TAOK3: variants seen among roughly 807,000 people sequenced by gnomAD.
TAOK3 encodes serine/threonine-protein kinase TAO3.
A neutral mutation model predicts 120.4 loss-of-function variants in TAOK3; 40 were observed. That is an observed-to-expected ratio of 0.33 (90% CI 0.26 to 0.43). TAOK3 has a LOEUF of 0.43. TAOK3 is among the 20% of genes least tolerant of loss of function. The pLI is 1.00. For missense variants in TAOK3, 821 were observed against 1,112.1 expected (o/e 0.74, Z 3.72); for synonymous variants, 355 against 387.5 (o/e 0.92, Z 0.99).
chr12:118,347,306 C>T (rs541110360), intron 1 of TAOK3, among the ~76,000 whole-genome samples: 12 of 152,192 alleles, frequency 7.9e-5, no homozygotes, highest in Non-Finnish European at 1.8e-4. Flanking sequence ...AGCCACAAGG[C>T]CCAGTCCAAA....
At chr12:118,193,687 G>A (rs144694799) in intron 13 of TAOK3, among the ~76,000 whole-genome samples, 25 of 152,256 alleles carry the variant, frequency 1.6e-4, no homozygotes, top group Middle Eastern at 3.4e-3. Flanking sequence ...GGGCTCAAGC[G>A]ATCCACCCAC....
intron 13 of TAOK3, among the ~76,000 whole-genome samples, chr12:118,194,207 C>T (rs1161092352): frequency 6.6e-6 from 1 of 152,166 alleles, no homozygotes; most frequent in East Asian, 1.9e-4. Flanking sequence ...TTTGTATAGA[C>T]TCCCACACTT....
At chr12:118,187,187 C>T (rs1472049953) in intron 14 of TAOK3, among the ~76,000 whole-genome samples, 4 of 152,034 alleles carry the variant, frequency 2.6e-5, no homozygotes, top group East Asian at 1.9e-4. Context: ...GACTTGTTAG[C>T]GCCTCTACTA....
At chr12:118,248,297 C>G (rs1417924895) in intron 3 of TAOK3, among the ~76,000 whole-genome samples, 1 of 151,264 alleles carries the variant, frequency 6.6e-6, no homozygotes, top group East Asian at 1.9e-4. Flanking sequence ...GAGTTATCCA[C>G]TAGACATAAT....
chr12:118,275,115 C>CT (rs1018362585), intron 1 of TAOK3, among the ~76,000 whole-genome samples: 1 of 151,866 alleles, frequency 6.6e-6, no homozygotes, highest in Non-Finnish European at 1.5e-5. Context: ...TGCACTATAA[C>CT]TTTTTTTTCA....
At chr12:118,207,280 C>T (rs931635988) in intron 11 of TAOK3, among the ~76,000 whole-genome samples, 6 of 149,330 alleles carry the variant, frequency 4.0e-5, no homozygotes, top group East Asian at 4.0e-4. Flanking sequence ...GAGCCGAGAT[C>T]GTGCCATTGC....
chr12:118,296,833 C>T (rs1461079929), intron 1 of TAOK3: 1 of 152,152 alleles, frequency 6.6e-6, no homozygotes, highest in African/African-American at 2.4e-5. Context: ...GGAACTGGGT[C>T]ATTGTATAGG....
intron 19 of TAOK3, among the ~76,000 whole-genome samples, chr12:118,156,579 G>C (rs2034840121): frequency 6.6e-6 from 1 of 152,078 alleles, no homozygotes; most frequent in Non-Finnish European, 1.5e-5. Context: ...GTCCAGACGA[G>C]CTCCTGTAGT....
At chr12:118,320,420 C>T (rs2043654488) in intron 1 of TAOK3, among the ~76,000 whole-genome samples, 1 of 151,416 alleles carries the variant, frequency 6.6e-6, no homozygotes, top group African/African-American at 2.4e-5. Context: ...AGCAAGACAT[C>T]ATTTCTTAAA....
intron 13 of TAOK3, among the ~76,000 whole-genome samples, chr12:118,193,688 A>G (rs1235858825): frequency 1.3e-5 from 2 of 152,104 alleles, no homozygotes; most frequent in African/African-American, 4.8e-5. Flanking sequence ...GGCTCAAGCG[A>G]TCCACCCACC....
Position 118,159,590 on chromosome 12 carries a change from C to T in TAOK3, c.2352+556G>A, listed in dbSNP as rs550020138. Among the ~76,000 whole-genome samples the T allele has an allele frequency of 5.5e-4, 84 of 152,294 alleles. 1 individual carries two copies. The highest frequency in any genetic ancestry group is 1.8e-3 in the African/African-American group (75 of 41,556). On this transcript the variant is annotated intron_variant, in intron 19 of 20. Transcript: ENST00000392533. ...TGCTGGGATTACAGGCGTGAGCCAC[C>T]GCGCCCGGCCCCACTTACCATGTTT...
rs140472528 is a variant in TAOK3 at position 118,225,202 on chromosome 12, C to T, written c.643+8472G>A. Among the ~76,000 whole-genome samples the T allele has an allele frequency of 7.6e-3, 1,087 of 142,356 alleles. 8 individuals are homozygous for T. Among genetic ancestry groups the T allele is most frequent in the Non-Finnish European group, 9.4e-3 (621 of 66,408 alleles). The allele number at this position is 142,356 out of a possible 152,430, so 93.4% of individuals were successfully genotyped here. A position where few individuals can be genotyped will look rare whatever the true frequency, so the allele number is the denominator to read the frequency against. On this transcript the variant is annotated intron_variant, in intron 9 of 20. Transcript: ENST00000392533. ...GGTGGAGGTTGCAGTGAGCCAAGAT[C>T]GCGCCATTGCACTCTAGCCTGGGTG...
At chr12:118,326,769 A>C (rs879861639) in intron 1 of TAOK3, among the ~76,000 whole-genome samples, 2 of 152,186 alleles carry the variant, frequency 1.3e-5, no homozygotes, top group Admixed American at 6.5e-5. Flanking sequence ...TAAAACATTC[A>C]GTGCTCTGGT....
At chr12:118,186,465 A>C (rs1002684730) in intron 14 of TAOK3, among the ~76,000 whole-genome samples, 6 of 152,186 alleles carry the variant, frequency 3.9e-5, no homozygotes, top group Admixed American at 2.0e-4. Flanking sequence ...GCAACAGCTA[A>C]AAACACCCTC....
intron 5 of TAOK3, among the ~76,000 whole-genome samples, chr12:118,242,087 C>CAAA (rs138217247): frequency 1.8e-5 from 2 of 110,838 alleles, no homozygotes; most frequent in Non-Finnish European, 3.8e-5. Flanking sequence ...AACTCTGTCT[C>CAAA]AAAAAAAAAA....
intron 1 of TAOK3, among the ~76,000 whole-genome samples, chr12:118,279,311 G>A (rs1200132640): frequency 1.3e-5 from 2 of 152,016 alleles, no homozygotes; most frequent in African/African-American, 4.8e-5. Flanking sequence ...ATAGATTCTG[G>A]ATATTATTAA....
intron 3 of TAOK3, among the ~76,000 whole-genome samples, chr12:118,247,690 T>C (rs1295918811): frequency 6.6e-6 from 1 of 152,054 alleles, no homozygotes; most frequent in Non-Finnish European, 1.5e-5. Flanking sequence ...AATTTTTATA[T>C]ATGTAGTAGA....
chr12:118,297,265 G>C (rs1027295893), intron 1 of TAOK3: 2 of 152,194 alleles, frequency 1.3e-5, no homozygotes, highest in African/African-American at 2.4e-5. Flanking sequence ...CCAGATACCA[G>C]TCAATAGCCA....
At chr12:118,347,176 T>A (rs1251170528) in intron 1 of TAOK3, among the ~76,000 whole-genome samples, 1 of 152,036 alleles carries the variant, frequency 6.6e-6, no homozygotes, top group East Asian at 1.9e-4. Flanking sequence ...GCTAATTTTT[T>A]TAAAAAAATT....
Sources: gnomAD v4.1 joint callset for allele counts (sites outside exome capture counted in the v4.1 genomes callset) on GRCh38, gnomAD v4.1.1 for gene constraint, MANE v1.5 for transcripts, NCBI Gene and HGNC (gene_info 2026-07-23, HGNC 2026-07-21) for gene names.